The following MDGA2 variants were observed in gnomAD, a reference collection of about 807,000 sequenced individuals.
The protein encoded by MDGA2 is MAM domain-containing glycosylphosphatidylinositol anchor protein 2.
A neutral mutation model predicts 117.8 loss-of-function variants in MDGA2; 40 were observed. The ratio of observed to expected loss-of-function variants is 0.34; its 90% CI spans 0.26 to 0.44. MDGA2 has a LOEUF of 0.44. Among genes scored for constraint, MDGA2 ranks in the 20% least tolerant of loss-of-function variants. MDGA2 has a pLI of 1.00. For missense variants in MDGA2, 1,123 were observed against 1,250.6 expected, an observed-to-expected ratio of 0.90 and a Z score of 1.54; for synonymous variants, 452 against 439.0, an observed-to-expected ratio of 1.03 and a Z score of -0.37.
chr14:47,672,573 C>G (rs1898094594), intron 1 of MDGA2, among the ~76,000 whole-genome samples: 1 of 152,138 alleles, frequency 6.6e-6, no homozygotes, highest in Non-Finnish European at 1.5e-5. Context: ...CTCCCCACGT[C>G]CCCAACCTTT....
chr14:47,614,428 C>T (rs768309366), intron 1 of MDGA2, among the ~76,000 whole-genome samples: 16 of 152,110 alleles, frequency 1.1e-4, no homozygotes, highest in Non-Finnish European at 2.2e-4. Context: ...CTCTCAGATG[C>T]ATTTCATTCA....
intron 8 of MDGA2, among the ~76,000 whole-genome samples, chr14:46,958,843 T>C (rs1885668205): frequency 1.3e-5 from 2 of 152,240 alleles, no homozygotes; most frequent in Admixed American, 1.3e-4. Flanking sequence ...TCTGAATTTG[T>C]TAACACTTGC....
At position 47,178,528 on chromosome 14, in the gene MDGA2, G is replaced by A. The variant is rs78670130; in HGVS notation, c.596-34254C>T. On this transcript the variant is annotated intron_variant, in intron 3 of 16. Transcript: ENST00000399232. ...CTTTAAGAGTTTTACAAAATGCATTGTTCAGTTAATTCACTTATTATATAA... is the reference window on the plus strand; with the variant it reads ...CTTTAAGAGTTTTACAAAATGCATTATTCAGTTAATTCACTTATTATATAA... 5.6e-3 allele frequency among the ~76,000 whole-genome samples: 844 copies of A among 152,036 alleles called. 3 individuals are homozygous for A. Among genetic ancestry groups the A allele is most frequent in the African/African-American group, 0.019 (801 of 41,456 alleles).
Position 47,400,758 on chromosome 14 carries a change from C to CTTT in MDGA2, c.281-99211_281-99209dup, listed in dbSNP as rs570103742. The stretch of plus-strand genomic sequence containing the variant: ...TTTTCTTTTTCTTTTCTTTTCTTTT[C>CTTT]TTTTTTTTTTTTTTTTGAGACGGAG... On this transcript the variant is annotated intron_variant, in intron 1 of 16. Coordinates refer to ENST00000399232, the MANE Select transcript of MDGA2 (RefSeq NM_001113498.3). Among the ~76,000 whole-genome samples, 52 of 66,206 alleles carry CTTT rather than the reference C, an allele frequency of 7.9e-4. 2 individuals are homozygous for CTTT. The highest frequency in any genetic ancestry group is 1.9e-3 in the African/African-American group (36 of 18,640). 43.4% of individuals were successfully genotyped at this position (66,206 alleles called of 152,430 possible). A position where few individuals can be genotyped will look rare whatever the true frequency, so the allele number is the denominator to read the frequency against.
rs568247656 is a variant in MDGA2, at chr14:47,393,257, G to A, written c.281-91707C>T. 1.4e-4 allele frequency among the ~76,000 whole-genome samples: 21 copies of A among 151,832 alleles called. 2 individuals carry two copies. The highest frequency in any genetic ancestry group is 5.1e-4 in the African/African-American group (21 of 41,494). ...AAGCGTTCATTTCTTTCACATCGAT[G>A]AGAATCTGTGTACTTACTATGGCAA... On this transcript the variant is annotated intron_variant, in intron 1 of 16. Transcript: ENST00000399232.
At chr14:47,520,340 G>C (rs140547239) in intron 1 of MDGA2, among the ~76,000 whole-genome samples, 2 of 152,238 alleles carry the variant, frequency 1.3e-5, no homozygotes, top group African/African-American at 4.8e-5. Flanking sequence ...CAAAAATGCT[G>C]CCTAAAATCA....
chr14:47,496,731 A>G (rs1894288839), intron 1 of MDGA2, among the ~76,000 whole-genome samples: 1 of 150,502 alleles, frequency 6.6e-6, no homozygotes, highest in Non-Finnish European at 1.5e-5. Flanking sequence ...ATATGTTACT[A>G]TAATATGTAT....
chr14:47,234,127 T>A (rs920239072), intron 2 of MDGA2, among the ~76,000 whole-genome samples: 3 of 151,960 alleles, frequency 2.0e-5, no homozygotes, highest in African/African-American at 7.2e-5. Flanking sequence ...CACATAGCAA[T>A]AAAAATAAAA....
intron 1 of MDGA2, among the ~76,000 whole-genome samples, chr14:47,559,137 T>A (rs974918014): frequency 1.3e-5 from 2 of 152,182 alleles, no homozygotes; most frequent in Non-Finnish European, 2.9e-5. Context: ...ATTTATTACA[T>A]AGGTAAATTG....
rs1390404305 is a variant in MDGA2, at chr14:47,274,625, ATG to A, written c.420+26784_420+26785del. 5.9e-5 allele frequency among the ~76,000 whole-genome samples: 9 copies of A among 152,058 alleles called. 1 individual carries two copies. The East Asian group carries it at 1.7e-3, about 29-fold the overall frequency. ...AAAACTGCTGGGTCATATTGTAACT[ATG>A]TTTAGCTTTTTGAGGAATTCTCAAA... On this transcript the variant is annotated intron_variant, in intron 2 of 16. Transcript: ENST00000399232.
At chr14:47,204,966 C>A (rs1379975925) in intron 3 of MDGA2, among the ~76,000 whole-genome samples, 1 of 151,910 alleles carries the variant, frequency 6.6e-6, no homozygotes, top group African/African-American at 2.4e-5. Flanking sequence ...CAAATGTAGA[C>A]AAGAGGGCTT....
chr14:46,874,445 C>A (rs1378266932), intron 12 of MDGA2, among the ~76,000 whole-genome samples: 1 of 151,680 alleles, frequency 6.6e-6, no homozygotes, highest in Non-Finnish European at 1.5e-5. Context: ...AACAATTTTT[C>A]TCTAAAATAT....
chr14:47,552,075 T>C (rs1895592527), intron 1 of MDGA2, among the ~76,000 whole-genome samples: 2 of 152,212 alleles, frequency 1.3e-5, no homozygotes, highest in Admixed American at 1.3e-4. Flanking sequence ...ATATCAACTT[T>C]TCTAGTTTTC....
chr14:46,926,463 T>C (rs1411473273), intron 9 of MDGA2, among the ~76,000 whole-genome samples: 1 of 151,668 alleles, frequency 6.6e-6, no homozygotes, highest in Non-Finnish European at 1.5e-5. Flanking sequence ...ATCACAGCTC[T>C]AGAAGCTAAT....
At chr14:47,036,393 A>G (rs1210103948) in intron 7 of MDGA2, among the ~76,000 whole-genome samples, 1 of 152,148 alleles carries the variant, frequency 6.6e-6, no homozygotes, top group East Asian at 1.9e-4. Context: ...TTGTGCTGAA[A>G]TATATTTATG....
rs147186111 is a variant in MDGA2 at position 46,935,950 on chromosome 14, A to G, written c.2090-15790T>C. ...ACCTATGATAATTCAGAGGTCCAAG[A>G]AAATGTTTTAAATTTAATTCATTTT... On this transcript the variant is annotated intron_variant, in intron 9 of 16. Coordinates refer to ENST00000399232, the MANE Select transcript of MDGA2 (RefSeq NM_001113498.3). Among the ~76,000 whole-genome samples, 475 of 152,306 alleles carry G rather than the reference A, an allele frequency of 3.1e-3. 3 individuals carry two copies. Among genetic ancestry groups the G allele is most frequent in the African/African-American group, 0.011 (454 of 41,558 alleles).
intron 7 of MDGA2, among the ~76,000 whole-genome samples, chr14:47,045,868 G>A (rs1455895050): frequency 6.6e-6 from 1 of 151,992 alleles, no homozygotes; most frequent in African/African-American, 2.4e-5. Context: ...GGGAGGCTGA[G>A]GCAGGAGAAT....
chr14:47,098,348 C>G (rs1880105778), intron 5 of MDGA2, among the ~76,000 whole-genome samples: 1 of 150,390 alleles, frequency 6.6e-6, no homozygotes, highest in Non-Finnish European at 1.5e-5. Flanking sequence ...CCTGTATGAC[C>G]TTTTTAAGCA....
chr14:46,913,629 AC>A (rs1883789364), intron 10 of MDGA2, among the ~76,000 whole-genome samples: 1 of 152,290 alleles, frequency 6.6e-6, no homozygotes, highest in Non-Finnish European at 1.5e-5. Flanking sequence ...TTTGCTTATT[AC>A]TTTTTATTAG....
Sources: gnomAD v4.1 joint callset for allele counts (sites outside exome capture counted in the v4.1 genomes callset) on GRCh38, gnomAD v4.1.1 for gene constraint, MANE v1.5 for transcripts, NCBI Gene and HGNC (gene_info 2026-07-23, HGNC 2026-07-21) for gene names.